The following SLC45A4 variants were observed in gnomAD, a reference collection of about 807,000 sequenced individuals.
SLC45A4 encodes solute carrier family 45 member 4.
SLC45A4 carries 32 observed loss-of-function variants against 63.7 expected under a neutral mutation model. The ratio of observed to expected loss-of-function variants is 0.50; its 90% CI spans 0.38 to 0.67. The LOEUF (loss-of-function observed/expected upper bound fraction) is 0.67. Among genes scored for constraint, SLC45A4 ranks in the 30% least tolerant of loss-of-function variants. SLC45A4 has a pLI of 0.00. For missense variants in SLC45A4, 1,027 were observed against 1,157.7 expected, an observed-to-expected ratio of 0.89 and a Z score of 1.64; for synonymous variants, 535 against 510.0, an observed-to-expected ratio of 1.05 and a Z score of -0.66.
At chr8:141,299,522 A>AG (rs200734523) in intron 1 of SLC45A4, among the ~76,000 whole-genome samples, 2 of 152,240 alleles carry the variant, frequency 1.3e-5, no homozygotes, top group African/African-American at 2.4e-5. Context: ...GGGCACGGTT[A>AG]GGGACAGCAG....
chr8:141,218,207 G>A lies in SLC45A4; in HGVS notation c.1433C>T (p.Thr478Ile). The stretch of plus-strand genomic sequence containing the variant: ...CTCACTCTCGGTGTCCCCGCTGGAG[G>A]TGGTGGCCCCGCTCTGGTTCCGGTG... ...HRHRNQSGAT[T>I]SSGDTESEEG... The change falls in exon 5 of 9, where the codon ACC (threonine) becomes ATC (isoleucine). Residue 478 changes from threonine to isoleucine, a missense_variant. Transcript: ENST00000517878. 4 of 1,603,054 alleles carry A rather than the reference G, an allele frequency of 2.5e-6. No individual in the cohort carries two copies. The South Asian group carries it at 3.3e-5, about 13-fold the overall frequency.
Position 141,254,402 on chromosome 8 carries a change from C to T in SLC45A4, c.-173G>A, listed in dbSNP as rs980737589. On this transcript the variant is annotated 5_prime_UTR_variant, in exon 2 of 9. Transcript: ENST00000517878. The surrounding 1 kb of genome is among the most constrained non-coding windows in gnomAD (Gnocchi z 4.5). Reference sequence around the variant, plus strand: ...GTGGCTATCTCACAACTTCTCACAACGGTATGAGACATGCAGCAACACAGA... The same window carrying T: ...GTGGCTATCTCACAACTTCTCACAATGGTATGAGACATGCAGCAACACAGA... 7.4e-5 allele frequency: 55 copies of T among 741,166 alleles called. No individual in the cohort carries two copies. In the East Asian group the frequency reaches 1.3e-3, roughly 17 times the overall value. 45.9% of individuals were successfully genotyped at this position (741,166 alleles called of 1,614,324 possible). A position where few individuals can be genotyped will look rare whatever the true frequency, so the allele number is the denominator to read the frequency against.
intron 3 of SLC45A4, 136 bp downstream of exon 3, chr8:141,221,441 G>A (rs987530385): frequency 5.5e-5 from 62 of 1,123,286 alleles, no homozygotes; most frequent in Non-Finnish European, 6.2e-5. Context: ...CCGCCAGGGT[G>A]GCCCCGGCAG....
At chr8:141,258,862 G>C (rs1213884970) in intron 1 of SLC45A4, among the ~76,000 whole-genome samples, 1 of 150,840 alleles carries the variant, frequency 6.6e-6, no homozygotes, top group Non-Finnish European at 1.5e-5. Flanking sequence ...TTGAACTCCA[G>C]TCTGCGAGAC....
At chr8:141,260,680 A>T (rs2154614786) in intron 1 of SLC45A4, among the ~76,000 whole-genome samples, 1 of 152,390 alleles carries the variant, frequency 6.6e-6, no homozygotes, top group South Asian at 2.1e-4. Flanking sequence ...ATCAGGAAGA[A>T]GTTGAATCTC....
intron 2 of SLC45A4, among the ~76,000 whole-genome samples, chr8:141,239,049 C>T (rs748641438): frequency 1.3e-5 from 2 of 152,308 alleles, no homozygotes; most frequent in South Asian, 2.1e-4. Flanking sequence ...ATTAACCACC[C>T]GGCTGCTGTG....
chr8:141,228,223 G>T (rs1244121206), intron 2 of SLC45A4: 13 of 1,613,986 alleles, frequency 8.1e-6, no homozygotes, highest in Non-Finnish European at 1.1e-5. Flanking sequence ...ACTCACAAGG[G>T]TCTTTGGACG....
At chr8:141,290,710 A>C (rs1323166883) in intron 1 of SLC45A4, among the ~76,000 whole-genome samples, 1 of 152,208 alleles carries the variant, frequency 6.6e-6, no homozygotes, top group Non-Finnish European at 1.5e-5. Flanking sequence ...CAGGTCAAGC[A>C]CGTTGTCCTT....
At chr8:141,307,596 AG>A (rs1292352875) in intron 1 of SLC45A4, among the ~76,000 whole-genome samples, 2 of 151,620 alleles carry the variant, frequency 1.3e-5, no homozygotes, top group Non-Finnish European at 2.9e-5. Flanking sequence ...CAGAGGGGAG[AG>A]GGGGCCACTT....
chr8:141,251,873 G>A (rs1217255029), intron 2 of SLC45A4, among the ~76,000 whole-genome samples: 1 of 150,968 alleles, frequency 6.6e-6, no homozygotes, highest in Non-Finnish European at 1.5e-5. Context: ...TCCCACGGCA[G>A]GGTGACAGGA....
chr8:141,282,221 G>A (rs890413024), intron 1 of SLC45A4, among the ~76,000 whole-genome samples: 5 of 152,148 alleles, frequency 3.3e-5, no homozygotes, highest in Admixed American at 6.5e-5. Context: ...AACAGAGCCC[G>A]GGAGGCCAAG....
At position 141,271,678 on chromosome 8, in the gene SLC45A4, G is replaced by A. The variant is rs115314535; in HGVS notation, c.-400-17049C>T. On this transcript the variant is annotated intron_variant, in intron 1 of 8. Coordinates refer to ENST00000517878, the MANE Select transcript of SLC45A4 (RefSeq NM_001286646.2). The stretch of plus-strand genomic sequence containing the variant: ...GTTCTATCCCCCAAACAACTGGCAG[G>A]GGAGAGCCACTCTCACAGATATGAT... Among the ~76,000 whole-genome samples, 1,137 of 152,296 alleles carry A rather than the reference G, an allele frequency of 7.5e-3. 14 individuals carry two copies. The highest frequency in any genetic ancestry group is 0.025 in the African/African-American group (1,040 of 41,548).
At chr8:141,291,925 C>T (rs12677618) in intron 1 of SLC45A4, among the ~76,000 whole-genome samples, 30,724 of 151,994 alleles carry the variant, frequency 0.2, 3,749 homozygotes, top group East Asian at 0.35. Context: ...CCAGATAAAA[C>T]GTTCATCTCA....
intron 1 of SLC45A4, among the ~76,000 whole-genome samples, chr8:141,287,044 G>T (rs1022457281): frequency 6.6e-6 from 1 of 152,118 alleles, no homozygotes; most frequent in Non-Finnish European, 1.5e-5. Flanking sequence ...GTGTGACCTT[G>T]AGGAAGTCGC....
chr8:141,228,362 A>G, intron 2 of SLC45A4: 1 of 1,566,888 alleles, frequency 6.4e-7, no homozygotes, highest in Non-Finnish European at 8.6e-7. Context: ...GCGCCTCAAC[A>G]GCCTGGCTAG....
chr8:141,221,476 G>A, intron 3 of SLC45A4, 101 bp downstream of exon 3: 1 of 1,411,988 alleles, frequency 7.1e-7, no homozygotes, highest in Non-Finnish European at 9.6e-7. Context: ...CAGAGGGTCA[G>A]CCTGAATATT....
intron 2 of SLC45A4, among the ~76,000 whole-genome samples, chr8:141,235,099 C>T (rs1827554237): frequency 6.6e-6 from 1 of 152,192 alleles, no homozygotes; most frequent in African/African-American, 2.4e-5. Flanking sequence ...CTCAGCTCTC[C>T]ACCCACAGGA....
At chr8:141,219,532 C>T (rs1023962907) in intron 4 of SLC45A4, 118 bp downstream of exon 4, 6 of 1,293,784 alleles carry the variant, frequency 4.6e-6, no homozygotes, top group Non-Finnish European at 6.2e-6. Flanking sequence ...TGCCCACTGC[C>T]TCAACCCTCC....
intron 1 of SLC45A4, among the ~76,000 whole-genome samples, chr8:141,272,290 A>G (rs1829569500): frequency 6.6e-6 from 1 of 152,220 alleles, no homozygotes; most frequent in African/African-American, 2.4e-5. Context: ...AAAATACACT[A>G]AAGCCAAAAT....
Sources: gnomAD v4.1 joint callset for allele counts (sites outside exome capture counted in the v4.1 genomes callset) on GRCh38, gnomAD v4.1.1 for gene constraint, Gnocchi (gnomAD v3.1) non-coding constraint, MANE v1.5 for transcripts, NCBI Gene and HGNC (gene_info 2026-07-23, HGNC 2026-07-21) for gene names.